Variants in GPC1 observed in about 807,000 individuals in gnomAD.
GPC1 encodes the protein glypican-1.
Under a neutral mutation model 51.5 loss-of-function variants are expected in GPC1, and 26 were observed. That is an observed-to-expected ratio of 0.50 (90% CI 0.37 to 0.70). The LOEUF (loss-of-function observed/expected upper bound fraction) is 0.70. Ranked by LOEUF, GPC1 falls within the 30% of genes least tolerant of loss-of-function variation. The pLI, the probability that GPC1 is intolerant of heterozygous loss-of-function variation, is 0.00. For synonymous variants in GPC1, 380 were observed against 348.3 expected (o/e 1.09, Z -1.01); for missense variants, 775 against 800.5 (o/e 0.97, Z 0.38).
rs1451892001 is a variant in GPC1, at chr2:240,462,143, C to A, written c.326-48C>A. The A allele has an allele frequency of 3.3e-6, 5 of 1,499,734 alleles. No homozygotes were observed. The South Asian group carries it at 5.3e-5, about 16-fold the overall frequency. The allele number at this position is 1,499,734 out of a possible 1,614,324, so 92.9% of individuals were successfully genotyped here. On this transcript the variant is annotated intron_variant, in intron 2 of 8. Transcript: ENST00000264039. Reference sequence around the variant, plus strand: ...GAGTCCCCTGCTCTGGTCCAGCTGCCACGGCGGGGGAAACATGGTCCCGAT... The same window carrying A: ...GAGTCCCCTGCTCTGGTCCAGCTGCAACGGCGGGGGAAACATGGTCCCGAT...
intron 2 of GPC1, among the ~76,000 whole-genome samples, chr2:240,459,416 C>T (rs1279400354): frequency 1.3e-5 from 2 of 152,194 alleles, no homozygotes; most frequent in Non-Finnish European, 2.9e-5. Flanking sequence ...GGAGTGTGCA[C>T]AGCCCATTCC....
chr2:240,459,385 G>A (rs1248634115), intron 2 of GPC1, among the ~76,000 whole-genome samples, 197 bp downstream of exon 2: 1 of 152,174 alleles, frequency 6.6e-6, no homozygotes, highest in African/African-American at 2.4e-5. Flanking sequence ...GCAGGGATCT[G>A]CAGGGTTTGA....
chr2:240,455,880 T>G (rs891357961), intron 1 of GPC1: 2 of 292,736 alleles, frequency 6.8e-6, no homozygotes, highest in Admixed American at 5.6e-5. Context: ...GCGGGAGGCC[T>G]CCTGCCTTTG....
rs2074255804 is a variant in GPC1 at position 240,465,703 on chromosome 2, C to T, written c.1444+55C>T. 4 of 1,505,936 alleles carry T rather than the reference C, an allele frequency of 2.7e-6. No individual in the cohort carries two copies. In the East Asian group the frequency reaches 9.1e-5, roughly 34 times the overall value. 93.3% of individuals were successfully genotyped at this position (1,505,936 alleles called of 1,614,324 possible). On this transcript the variant is annotated intron_variant, in intron 8 of 8. Transcript: ENST00000264039. Reference sequence around the variant, plus strand: ...GGGGCCAGGGTTGGTGGGGGTGCCACAGGGGTGTGACTGCCCTCCGGGTTC... The same window carrying T: ...GGGGCCAGGGTTGGTGGGGGTGCCATAGGGGTGTGACTGCCCTCCGGGTTC...
chr2:240,448,745 G>A lies in GPC1; in HGVS notation c.167-10285G>A, dbSNP rs1419069336. ...GGGCTGTGTGACCAGCAGCGTGACC[G>A]GCAGTTATCCCTCCCCGGACGTGGC... On this transcript the variant is annotated intron_variant, in intron 1 of 8. Coordinates refer to ENST00000264039, the MANE Select transcript of GPC1 (RefSeq NM_002081.3). The surrounding 1 kb of genome is among the most constrained non-coding windows in gnomAD (Gnocchi z 4.5). 6.6e-5 allele frequency among the ~76,000 whole-genome samples: 10 copies of A among 151,978 alleles called. No homozygotes were observed. Among genetic ancestry groups the A allele is most frequent in the East Asian group, 1.9e-4 (1 of 5,168 alleles).
chr2:240,453,902 C>T (rs2074130710), intron 1 of GPC1, among the ~76,000 whole-genome samples: 1 of 152,164 alleles, frequency 6.6e-6, no homozygotes, highest in Non-Finnish European at 1.5e-5. Flanking sequence ...CGCAAGCAGC[C>T]GCGGGTGACA....
chr2:240,462,295 C>A lies in GPC1; in HGVS notation c.430C>A (p.Leu144Met). ...YTQNARAFRDLYSELRLYYRG... is the reference protein window; with the variant it reads ...YTQNARAFRDMYSELRLYYRG... ...GCAGAACGCGAGGGCCTTCCGGGACCTGTACTCAGAGCTGCGCCTGTACTA... is the reference window on the plus strand; with the variant it reads ...GCAGAACGCGAGGGCCTTCCGGGACATGTACTCAGAGCTGCGCCTGTACTA... Residue 144 changes from leucine to methionine, a missense_variant, in exon 3 of 9, where the codon CTG becomes ATG. Transcript: ENST00000264039. 6.2e-7 allele frequency: 1 copy of A among 1,608,872 alleles called. No individual in the cohort carries two copies.
chr2:240,453,619 G>C (rs1276894855), intron 1 of GPC1, among the ~76,000 whole-genome samples: 1 of 100,634 alleles, frequency 9.9e-6, no homozygotes, highest in Non-Finnish European at 2.0e-5. Flanking sequence ...CCCTCCCCTC[G>C]CCTGCCCGCC....
rs1160553844 is a variant in GPC1 at position 240,463,505 on chromosome 2, C to T, written c.876C>T (p.Asn292=). The T allele has an allele frequency of 6.2e-7, 1 of 1,612,608 alleles. No individual in the cohort carries two copies. Among genetic ancestry groups the T allele is most frequent in the Non-Finnish European group, 8.5e-7 (1 of 1,179,840 alleles). ...CCGACCTGGACGCCGAGTGGAGGAACCTCCTGGGTGAGCCCCCACCCGCGA... is the reference window on the plus strand; with the variant it reads ...CCGACCTGGACGCCGAGTGGAGGAATCTCCTGGGTGAGCCCCCACCCGCGA... The part of the protein sequence containing the change: ...NQADLDAEWR[N]LLDSMVLITD... Residue 292 remains asparagine (N), a synonymous_variant, in exon 4 of 9, where the codon AAC becomes AAT. Coordinates refer to ENST00000264039, the MANE Select transcript of GPC1 (RefSeq NM_002081.3).
At chr2:240,440,135 C>T (rs1190023698) in intron 1 of GPC1, among the ~76,000 whole-genome samples, 1 of 152,158 alleles carries the variant, frequency 6.6e-6, no homozygotes, top group African/African-American at 2.4e-5. Flanking sequence ...TGGGCAGCCT[C>T]GGGCTGTGTC....
chr2:240,436,097 G>T lies in GPC1; in HGVS notation c.166+13G>T, dbSNP rs2073981870. The T allele has an allele frequency of 7.8e-7, 1 of 1,274,948 alleles. No homozygotes were observed. The highest frequency in any genetic ancestry group is 9.9e-7 in the Non-Finnish European group (1 of 1,010,186). The allele number at this position is 1,274,948 out of a possible 1,614,324, so 79.0% of individuals were successfully genotyped here. A position where few individuals can be genotyped will look rare whatever the true frequency, so the allele number is the denominator to read the frequency against. ...GCGGAGATCTCGGGTGAGTGAGGGC[G>T]CGGCGCCGGGAACCCGGGCCTGGCC... On this transcript the variant is annotated intron_variant, in intron 1 of 8. Coordinates refer to ENST00000264039, the MANE Select transcript of GPC1 (RefSeq NM_002081.3).
At chr2:240,442,496 T>C (rs563802798) in intron 1 of GPC1, 26 of 152,374 alleles carry the variant, frequency 1.7e-4, no homozygotes, top group African/African-American at 6.3e-4. Flanking sequence ...CTTCCAGGTG[T>C]TCCTTGGCTG....
chr2:240,440,209 G>A (rs2074009192), intron 1 of GPC1, among the ~76,000 whole-genome samples: 1 of 152,208 alleles, frequency 6.6e-6, no homozygotes, highest in Admixed American at 6.5e-5. Context: ...ATGGCATCCG[G>A]TACCCTAAGA....
intron 1 of GPC1, among the ~76,000 whole-genome samples, chr2:240,441,112 G>T (rs1312880566): frequency 1.3e-5 from 2 of 152,268 alleles, no homozygotes; most frequent in Non-Finnish European, 2.9e-5. Context: ...GACAGTGTGA[G>T]CCTGTGGTTA....
intron 3 of GPC1, 44 bp from the exon 4 acceptor site, chr2:240,463,303 C>T (rs377295330): frequency 1.9e-6 from 3 of 1,583,804 alleles, no homozygotes; most frequent in Non-Finnish European, 2.6e-6. Flanking sequence ...GGGCCAGGCA[C>T]CCCCAGGGCC....
chr2:240,449,281 C>G (rs964593395), intron 1 of GPC1: 1 of 153,842 alleles, frequency 6.5e-6, no homozygotes, highest in Non-Finnish European at 1.4e-5. Context: ...TGGGCTGCTG[C>G]GGGTGGGGAG....
Position 240,465,601 on chromosome 2 carries a change from G to A in GPC1, c.1397G>A (p.Arg466Gln), listed in dbSNP as rs544444707. ...QIMQLKIMTN[R>Q]LRSAYNGNDV... The stretch of plus-strand genomic sequence containing the variant: ...ATGCAGCTGAAGATCATGACCAACC[G>A]GCTGCGCAGCGCCTACAACGGCAAC... Residue 466 changes from arginine to glutamine, a missense_variant, in exon 8 of 9, where the codon CGG (arginine) becomes CAG (glutamine). Transcript: ENST00000264039. 1.8e-5 allele frequency: 29 copies of A among 1,613,026 alleles called. No homozygotes were observed. Among genetic ancestry groups the A allele is most frequent in the Admixed American group, 1.0e-4 (6 of 60,018 alleles).
chr2:240,458,378 A>G (rs1186647057), intron 1 of GPC1: 5 of 243,430 alleles, frequency 2.1e-5, no homozygotes, highest in Admixed American at 1.3e-4. Flanking sequence ...GGCAGGCTGC[A>G]GAGGAGGGGA....
At chr2:240,446,191 G>A (rs2074049329) in intron 1 of GPC1, among the ~76,000 whole-genome samples, 1 of 152,228 alleles carries the variant, frequency 6.6e-6, no homozygotes, top group South Asian at 2.1e-4. Flanking sequence ...CGAAACGGGG[G>A]AACGTCGTGG....
Sources: allele counts gnomAD v4.1 joint callset (sites outside exome capture counted in the v4.1 genomes callset), GRCh38; gene constraint gnomAD v4.1.1; non-coding constraint Gnocchi (gnomAD v3.1); transcripts MANE v1.5; gene names NCBI Gene and HGNC (gene_info 2026-07-23, HGNC 2026-07-21).